CCNY: variants seen among roughly 807,000 people sequenced by gnomAD.
The protein encoded by CCNY is cyclin Y, also known as cyclin-Y.
A neutral mutation model predicts 42.8 loss-of-function variants in CCNY; 19 were observed. That is an observed-to-expected ratio of 0.44 (90% CI 0.31 to 0.65). CCNY has a LOEUF of 0.65. Ranked by LOEUF, CCNY falls within the 30% of genes least tolerant of loss-of-function variation. CCNY has a pLI of 0.07. For missense variants in CCNY, 370 were observed against 437.3 expected (o/e 0.85, Z 1.37); for synonymous variants, 165 against 162.7 (o/e 1.01, Z -0.11).
In CCNY at chr10:35,381,389, G is replaced by A. The variant is rs551848199; in HGVS notation, c.154+44182G>A. On this transcript the variant is annotated intron_variant, in intron 1 of 9. Coordinates refer to ENST00000374704, the MANE Select transcript of CCNY (RefSeq NM_145012.6). ...AGCCGGGCCAACATGGTGAAACCCC[G>A]TCTCTACTAAAAATACAAAAAATTA... Among the ~76,000 whole-genome samples the A allele has an allele frequency of 3.2e-3, 484 of 151,866 alleles. 1 individual carries two copies. Among genetic ancestry groups the A allele is most frequent in the Non-Finnish European group, 5.5e-3 (376 of 67,924 alleles).
At position 35,286,424 on chromosome 10, in the gene CCNY, T is replaced by C. The variant is rs184351374; in HGVS notation, c.-9+35798T>C. ...CCCAGGCTGGAGTCCAGTGTCATGA[T>C]TGTGGCTCACTGCAACCTCCAGCTC... is the stretch of plus-strand genomic sequence containing the variant. On this transcript the variant is annotated intron_variant, in intron 3 of 11. Transcript: ENST00000374706. Among the ~76,000 whole-genome samples, 146 of 151,924 alleles carry C rather than the reference T, an allele frequency of 9.6e-4. 1 individual carries two copies. Among genetic ancestry groups the C allele is most frequent in the Admixed American group, 2.6e-3 (40 of 15,242 alleles).
intron 3 of CCNY, among the ~76,000 whole-genome samples, chr10:35,307,811 TATATA>T (rs1417600050): frequency 1.3e-4 from 10 of 74,288 alleles, no homozygotes; most frequent in Non-Finnish European, 1.8e-4. Flanking sequence ...TATATATATA[TATATA>T]TATTTTTTTT....
chr10:35,277,173 C>G (rs894443533), intron 3 of CCNY, among the ~76,000 whole-genome samples: 2 of 152,208 alleles, frequency 1.3e-5, no homozygotes, highest in Non-Finnish European at 2.9e-5. Context: ...TGACCTGTTA[C>G]TGGTCTTGTT....
chr10:35,406,450 TCAAG>T (rs1460736554), intron 1 of CCNY, among the ~76,000 whole-genome samples: 1 of 151,880 alleles, frequency 6.6e-6, no homozygotes, highest in Non-Finnish European at 1.5e-5. Flanking sequence ...CATGCTGCCT[TCAAG>T]CGTCTGTTTA....
chr10:35,489,453 A>C lies in CCNY; in HGVS notation c.229+5975A>C, dbSNP rs552301664. 3.4e-3 allele frequency among the ~76,000 whole-genome samples: 512 copies of C among 151,930 alleles called. 4 individuals are homozygous for C. Among genetic ancestry groups the C allele is most frequent in the African/African-American group, 0.012 (482 of 41,434 alleles). ...GTAGCTGGGACTACAGGCGCCCACCACCACGCCCAGCTAATTTTTTGTATT... is the reference window on the plus strand; with the variant it reads ...GTAGCTGGGACTACAGGCGCCCACCCCCACGCCCAGCTAATTTTTTGTATT... On this transcript the variant is annotated intron_variant, in intron 2 of 9. Coordinates refer to ENST00000374704, the MANE Select transcript of CCNY (RefSeq NM_145012.6).
At chr10:35,396,363 T>G (rs1212195268) in intron 1 of CCNY, among the ~76,000 whole-genome samples, 1 of 152,212 alleles carries the variant, frequency 6.6e-6, no homozygotes, top group Non-Finnish European at 1.5e-5. Flanking sequence ...ATCTGTGCTC[T>G]GCTCCCCACC....
At chr10:35,431,861 C>G (rs971449625) in intron 1 of CCNY, among the ~76,000 whole-genome samples, 4 of 152,066 alleles carry the variant, frequency 2.6e-5, no homozygotes, top group African/African-American at 9.7e-5. Context: ...CTCCTAGCCT[C>G]TAAACCACCA....
intron 1 of CCNY, among the ~76,000 whole-genome samples, chr10:35,384,579 GT>G (rs1490668171): frequency 6.6e-6 from 1 of 152,156 alleles, no homozygotes; most frequent in African/African-American, 2.4e-5. Flanking sequence ...CCAAGTTTTT[GT>G]TTTCCTTTCA....
chr10:35,377,357 T>C (rs993594142), intron 1 of CCNY, among the ~76,000 whole-genome samples: 4 of 152,228 alleles, frequency 2.6e-5, no homozygotes, highest in African/African-American at 9.6e-5. Context: ...ATATGTTTAC[T>C]GTACCTTTTC....
intron 1 of CCNY, among the ~76,000 whole-genome samples, chr10:35,372,407 C>T (rs534421210): frequency 2.6e-5 from 4 of 152,324 alleles, no homozygotes; most frequent in African/African-American, 7.2e-5. Context: ...AATCCTTAGA[C>T]GATTCACTCT....
chr10:35,439,944 T>A (rs1838629204), intron 1 of CCNY, among the ~76,000 whole-genome samples: 1 of 152,118 alleles, frequency 6.6e-6, no homozygotes. Flanking sequence ...TCATTGATAG[T>A]GCAGCAGTGT....
At chr10:35,503,256 A>G (rs1041546872) in intron 3 of CCNY, among the ~76,000 whole-genome samples, 1 of 152,170 alleles carries the variant, frequency 6.6e-6, no homozygotes, top group Non-Finnish European at 1.5e-5. Flanking sequence ...CCAGCATTCA[A>G]ACCTCTGTAA....
intron 1 of CCNY, among the ~76,000 whole-genome samples, chr10:35,477,522 G>A (rs988271090): frequency 6.6e-6 from 1 of 151,518 alleles, no homozygotes; most frequent in African/African-American, 2.4e-5. Context: ...TATAAACAGA[G>A]CCAAAGACAA....
chr10:35,561,695 G>T (rs1465652836), intron 8 of CCNY, among the ~76,000 whole-genome samples: 1 of 152,156 alleles, frequency 6.6e-6, no homozygotes, highest in African/African-American at 2.4e-5. Flanking sequence ...TTGACCATAG[G>T]CTAATCTCCT....
chr10:35,412,602 G>C (rs1273411080), intron 1 of CCNY, among the ~76,000 whole-genome samples: 1 of 151,500 alleles, frequency 6.6e-6, no homozygotes, highest in Non-Finnish European at 1.5e-5. Flanking sequence ...TGTAATCCCA[G>C]CCCTTTGGGA....
rs1305687568 is a variant in CCNY at position 35,336,716 on chromosome 10, C to T, written c.-338C>T. Among the ~76,000 whole-genome samples, 3 of 147,210 alleles carry T rather than the reference C, an allele frequency of 2.0e-5. No homozygotes were observed. The highest frequency in any genetic ancestry group is 3.0e-5 in the Non-Finnish European group (2 of 66,036). On this transcript the variant is annotated 5_prime_UTR_variant, in exon 1 of 10. Transcript: ENST00000374704. Reference sequence around the variant, plus strand: ...TGGGGAAGCGCGGGGGGGAGGCGGCCTGCGCGGCGCCGCCCGCCATGGCCG... The same window carrying T: ...TGGGGAAGCGCGGGGGGGAGGCGGCTTGCGCGGCGCCGCCCGCCATGGCCG...
Position 35,431,504 on chromosome 10 carries a change from G to A in CCNY, c.155-51900G>A, listed in dbSNP as rs188171723. 4.0e-4 allele frequency among the ~76,000 whole-genome samples: 58 copies of A among 146,240 alleles called. No individual in the cohort carries two copies. The East Asian group carries it at 8.4e-3, about 21-fold the overall frequency. On this transcript the variant is annotated intron_variant, in intron 1 of 9. Transcript: ENST00000374704. ...TCACACCACTCTGTGTGTGGTGGTG[G>A]GGGAGAGAGAGAGAAACATTTCTTG...
At chr10:35,405,642 A>C (rs992966389) in intron 1 of CCNY, among the ~76,000 whole-genome samples, 1 of 152,186 alleles carries the variant, frequency 6.6e-6, no homozygotes, top group Admixed American at 6.5e-5. Context: ...GGCCCTTGAA[A>C]ATAAGGTAAT....
In CCNY at chr10:35,530,012, A is replaced by C. The variant is rs1001836586; in HGVS notation, c.441A>C (p.Glu147Asp). ...GGATGCTCTTAGATATTTTTGATGA[A>C]AATCTTCACCCTCTTTCGGTAATCT... Reference protein sequence around the residue: ...DGRMLLDIFDENLHPLSKSEV... With the variant: ...DGRMLLDIFDDNLHPLSKSEV... The change falls in exon 6 of 10, where the codon GAA becomes GAC. Residue 147 changes from glutamate to aspartate, a missense_variant. Physicochemically the swap from Glu to Asp is conservative, Grantham distance 45 (BLOSUM62 2). Transcript: ENST00000374704. This position sits in a 1 kb window ranked among gnomAD's most constrained non-coding sequence, Gnocchi z 4.3. The C allele has an allele frequency of 6.8e-6, 11 of 1,614,112 alleles. No individual in the cohort carries two copies. Among genetic ancestry groups the C allele is most frequent in the Non-Finnish European group, 9.3e-6 (11 of 1,179,970 alleles).
Sources: gnomAD v4.1 joint callset for allele counts (sites outside exome capture counted in the v4.1 genomes callset) on GRCh38, gnomAD v4.1.1 for gene constraint, Gnocchi (gnomAD v3.1) non-coding constraint, MANE v1.5 for transcripts, NCBI Gene and HGNC (gene_info 2026-07-23, HGNC 2026-07-21) for gene names.